ROBO2: variants seen among roughly 807,000 people sequenced by gnomAD.
ROBO2 encodes the protein roundabout homolog 2.
In ROBO2, 53 loss-of-function variants were observed where a neutral mutation model predicts 160.8. The ratio of observed to expected loss-of-function variants is 0.33; its 90% confidence interval spans 0.26 to 0.41. The LOEUF is 0.41. ROBO2 is among the 10% of genes least tolerant of loss of function. The pLI, the probability that ROBO2 is intolerant of heterozygous loss-of-function variation, is 1.00. For synonymous variants in ROBO2, 664 were observed against 611.7 expected (o/e 1.09, Z -1.26); for missense variants, 1,577 against 1,722.4 (o/e 0.92, Z 1.49).
chr3:77,246,072 G>A (rs920261825), intron 2 of ROBO2, among the ~76,000 whole-genome samples: 6 of 152,266 alleles, frequency 3.9e-5, no homozygotes, highest in Admixed American at 3.9e-4. Flanking sequence ...TGTAAACATA[G>A]TAATTTTTAT....
chr3:76,828,929 C>T (rs1280494946), intron 2 of ROBO2, among the ~76,000 whole-genome samples: 1 of 152,014 alleles, frequency 6.6e-6, no homozygotes, highest in Non-Finnish European at 1.5e-5. Context: ...GGAGAACTCA[C>T]ACTCTTTGCC....
intron 2 of ROBO2, among the ~76,000 whole-genome samples, chr3:76,425,881 G>A (rs1262262138): frequency 2.0e-5 from 3 of 152,036 alleles, no homozygotes; most frequent in African/African-American, 7.2e-5. Flanking sequence ...TAAAAGAGCT[G>A]TACTAAGGAC....
At chr3:75,996,440 C>T (rs532270516) in intron 2 of ROBO2, among the ~76,000 whole-genome samples, 1 of 152,140 alleles carries the variant, frequency 6.6e-6, no homozygotes, top group Non-Finnish European at 1.5e-5. Flanking sequence ...GTGGCCTCCC[C>T]AGCCATGTGG....
chr3:77,333,700 ATG>A (rs911923165), intron 2 of ROBO2, among the ~76,000 whole-genome samples: 13 of 152,188 alleles, frequency 8.5e-5, no homozygotes, highest in Non-Finnish European at 1.6e-4. Context: ...CTGCAATCAA[ATG>A]TGTTATGCAA....
At chr3:76,475,560 T>A (rs1308301982) in intron 2 of ROBO2, among the ~76,000 whole-genome samples, 1 of 151,892 alleles carries the variant, frequency 6.6e-6, no homozygotes, top group Non-Finnish European at 1.5e-5. Context: ...TTAAAAAAAA[T>A]TTCAACTAGA....
At chr3:76,944,993 A>G (rs2078432647) in intron 2 of ROBO2, among the ~76,000 whole-genome samples, 1 of 151,574 alleles carries the variant, frequency 6.6e-6, no homozygotes, top group South Asian at 2.1e-4. Context: ...GGTTCACGCC[A>G]TTCTCCTGCC....
At chr3:76,353,425 G>A (rs911767374) in intron 2 of ROBO2, among the ~76,000 whole-genome samples, 8 of 151,894 alleles carry the variant, frequency 5.3e-5, no homozygotes, top group African/African-American at 1.9e-4. Context: ...TAGTCTGTGG[G>A]GTAGAGGTAG....
At chr3:76,625,752 C>T (rs767718854) in intron 2 of ROBO2, among the ~76,000 whole-genome samples, 9 of 152,070 alleles carry the variant, frequency 5.9e-5, no homozygotes, top group Admixed American at 2.0e-4. Context: ...GCAGGAAGCG[C>T]AACGTTGTGG....
intron 24 of ROBO2, among the ~76,000 whole-genome samples, chr3:77,636,010 A>G (rs568665252): frequency 1.3e-5 from 2 of 152,208 alleles, no homozygotes; most frequent in South Asian, 4.2e-4. Flanking sequence ...CACATAGCGG[A>G]AGGGACAAGG....
chr3:76,643,924 T>A (rs2109759945), intron 2 of ROBO2, among the ~76,000 whole-genome samples: 1 of 152,290 alleles, frequency 6.6e-6, no homozygotes, highest in African/African-American at 2.4e-5. Flanking sequence ...AGAACTATGA[T>A]TTATGAAAGT....
intron 2 of ROBO2, among the ~76,000 whole-genome samples, chr3:76,929,643 A>C (rs1430331863): frequency 6.6e-6 from 1 of 152,126 alleles, no homozygotes; most frequent in Non-Finnish European, 1.5e-5. Flanking sequence ...ACTGACCAAA[A>C]GACTCCAATG....
chr3:76,822,389 A>G (rs1038187918), intron 2 of ROBO2, among the ~76,000 whole-genome samples: 3 of 151,996 alleles, frequency 2.0e-5, no homozygotes, highest in Non-Finnish European at 4.4e-5. Context: ...CAATAACCAT[A>G]AACTTTAATT....
intron 2 of ROBO2, among the ~76,000 whole-genome samples, chr3:76,289,577 C>T (rs1311481514): frequency 6.6e-6 from 1 of 152,102 alleles, no homozygotes; most frequent in Non-Finnish European, 1.5e-5. Context: ...AGCCTAGGTA[C>T]ACAATCATAT....
At chr3:77,286,901 T>C (rs1382127632) in intron 2 of ROBO2, among the ~76,000 whole-genome samples, 2 of 152,234 alleles carry the variant, frequency 1.3e-5, no homozygotes, top group Admixed American at 6.5e-5. Flanking sequence ...TGTTGAGTAA[T>C]ACGCTGCTAA....
chr3:76,434,984 G>A (rs1319484637), intron 2 of ROBO2: 4 of 1,567,128 alleles, frequency 2.6e-6, no homozygotes, highest in Non-Finnish European at 3.5e-6. Flanking sequence ...AGGGTAAGAA[G>A]TGGAGAGTGG....
chr3:77,566,588 G>A lies in ROBO2; in HGVS notation c.1849+1468G>A, dbSNP rs139793765. Among the ~76,000 whole-genome samples the A allele has an allele frequency of 2.3e-3, 345 of 152,104 alleles. 6 individuals carry two copies. The highest frequency in any genetic ancestry group is 7.7e-3 in the African/African-American group (320 of 41,518). Reference sequence around the variant, plus strand: ...TGAAACGTAGAGAGAGATCAGAATGGGAAGATATTTGGTGTGATTGTATCT... The same window carrying A: ...TGAAACGTAGAGAGAGATCAGAATGAGAAGATATTTGGTGTGATTGTATCT... On this transcript the variant is annotated intron_variant, in intron 12 of 25. Transcript: ENST00000461745.
At chr3:76,209,537 A>AT (rs1323631618) in intron 2 of ROBO2, among the ~76,000 whole-genome samples, 14 of 152,228 alleles carry the variant, frequency 9.2e-5, no homozygotes, top group Non-Finnish European at 2.1e-4. Context: ...AAATGTTTAG[A>AT]TTTTCTGGGG....
At chr3:77,183,419 A>C (rs1189635675) in intron 2 of ROBO2, among the ~76,000 whole-genome samples, 4 of 152,044 alleles carry the variant, frequency 2.6e-5, no homozygotes, top group Admixed American at 6.6e-5. Flanking sequence ...AGAAGTAATT[A>C]AGTTAAAATG....
At chr3:77,322,703 A>C (rs1407916407) in intron 2 of ROBO2, among the ~76,000 whole-genome samples, 1 of 146,362 alleles carries the variant, frequency 6.8e-6, no homozygotes, top group Non-Finnish European at 1.5e-5. Context: ...TAAGATCTTT[A>C]TTATGAAACA....
Sources: allele counts gnomAD v4.1 joint callset (sites outside exome capture counted in the v4.1 genomes callset), GRCh38; gene constraint gnomAD v4.1.1; transcripts MANE v1.5; gene names NCBI Gene and HGNC (gene_info 2026-07-23, HGNC 2026-07-21).